Variants in DAPK1 observed in about 807,000 individuals in gnomAD.
DAPK1 encodes death associated protein kinase 1.
Under a neutral mutation model 144.9 loss-of-function variants are expected in DAPK1, and 56 were observed. The observed-to-expected ratio is 0.39, with a 90% CI of 0.31 to 0.48. The LOEUF is 0.48. DAPK1 is among the 20% of genes least tolerant of loss of function. DAPK1 has a pLI of 0.95. For synonymous variants in DAPK1, 690 were observed against 749.0 expected (o/e 0.92, Z 1.29); for missense variants, 1,454 against 1,875.4 (o/e 0.78, Z 4.15).
intron 2 of DAPK1, among the ~76,000 whole-genome samples, chr9:87,545,211 A>C (rs1826199016): frequency 1.3e-5 from 2 of 152,124 alleles, no homozygotes; most frequent in African/African-American, 4.8e-5. Context: ...CACTTGACTG[A>C]TCTCCCCAAT....
At chr9:87,660,665 C>T (rs1165160279) in intron 18 of DAPK1, among the ~76,000 whole-genome samples, 1 of 151,982 alleles carries the variant, frequency 6.6e-6, no homozygotes, top group African/African-American at 2.4e-5. Context: ...CCCCGTTGTC[C>T]ATCATTCCAC....
chr9:87,497,962 G>T lies in DAPK1; in HGVS notation c.-254G>T. 1 of 396,926 alleles carries T rather than the reference G, an allele frequency of 2.5e-6. No individual in the cohort carries two copies. The highest frequency in any genetic ancestry group is 4.4e-6 in the Non-Finnish European group (1 of 225,432). 24.6% of individuals were successfully genotyped at this position (396,926 alleles called of 1,614,324 possible). On this transcript the variant is annotated 5_prime_UTR_variant, in exon 1 of 26. Transcript: ENST00000408954. ...TCGGCAACTCGCAGCGGCAGGGTCTGGGGCCGGCGCCTGGGAGGGATCTGC... is the reference window on the plus strand; with the variant it reads ...TCGGCAACTCGCAGCGGCAGGGTCTTGGGCCGGCGCCTGGGAGGGATCTGC...
At chr9:87,691,997 A>T (rs1171129966) in intron 21 of DAPK1, among the ~76,000 whole-genome samples, 1 of 152,168 alleles carries the variant, frequency 6.6e-6, no homozygotes, top group Non-Finnish European at 1.5e-5. Flanking sequence ...CGTTAGGTCC[A>T]CTTGGTCTAA....
chr9:87,661,353 G>T (rs968384478), intron 18 of DAPK1, among the ~76,000 whole-genome samples: 1 of 152,072 alleles, frequency 6.6e-6, no homozygotes, highest in Non-Finnish European at 1.5e-5. Flanking sequence ...GGAATGAATG[G>T]GAGTTCTATT....
intron 3 of DAPK1, among the ~76,000 whole-genome samples, chr9:87,616,168 A>G (rs976824993): frequency 5.9e-5 from 9 of 152,128 alleles, no homozygotes; most frequent in African/African-American, 1.9e-4. Flanking sequence ...TAGCATTTCC[A>G]TGAAGTTGGG....
At chr9:87,597,405 A>G (rs568105250) in intron 2 of DAPK1, among the ~76,000 whole-genome samples, 202 of 152,186 alleles carry the variant, frequency 1.3e-3, no homozygotes, top group African/African-American at 4.6e-3. Context: ...TTGAGTTCCA[A>G]TGGGGGGGAA....
chr9:87,649,936 C>G lies in DAPK1; in HGVS notation c.1444C>G (p.Leu482Val). The change falls in exon 16 of 26, where the codon CTG (leucine) becomes GTG (valine). Residue 482 changes from leucine to valine, a missense_variant. Leu to Val is a conservative substitution (Grantham distance 32). Coordinates refer to ENST00000408954, the MANE Select transcript of DAPK1 (RefSeq NM_004938.4). Reference protein sequence around the residue: ...NIQDKEEETPLHCAAWHGYYS... With the variant: ...NIQDKEEETPVHCAAWHGYYS... ...CCTTGGCCAGGAAGAAGAAACCCCC[C>G]TGCACTGTGCTGCTTGGCACGGCTA... 1 of 1,614,198 alleles carries G rather than the reference C, an allele frequency of 6.2e-7. No homozygotes were observed. The highest frequency in any genetic ancestry group is 8.5e-7 in the Non-Finnish European group (1 of 1,180,032).
At chr9:87,679,666 C>T (rs537023603) in intron 19 of DAPK1, among the ~76,000 whole-genome samples, 72 of 152,286 alleles carry the variant, frequency 4.7e-4, no homozygotes, top group Non-Finnish European at 5.0e-4. Flanking sequence ...GTCCGCACTG[C>T]GCTTAGCATG....
intron 2 of DAPK1, among the ~76,000 whole-genome samples, chr9:87,564,633 A>T (rs1827050129): frequency 6.8e-6 from 1 of 147,804 alleles, no homozygotes; most frequent in Admixed American, 6.8e-5. Context: ...AGAGGGAGGG[A>T]GGGAGGAAGG....
At chr9:87,572,980 C>G (rs186503445) in intron 2 of DAPK1, among the ~76,000 whole-genome samples, 39 of 152,284 alleles carry the variant, frequency 2.6e-4, no homozygotes, top group African/African-American at 8.2e-4. Context: ...CACAGCTCTC[C>G]TCCCACCTTC....
chr9:87,653,999 T>C (rs1830547783), intron 17 of DAPK1, among the ~76,000 whole-genome samples: 1 of 152,204 alleles, frequency 6.6e-6, no homozygotes, highest in African/African-American at 2.4e-5. Context: ...TGGCCCTATA[T>C]TTTTCTGCTT....
At chr9:87,521,278 C>T (rs1194227345) in intron 2 of DAPK1, among the ~76,000 whole-genome samples, 1 of 152,184 alleles carries the variant, frequency 6.6e-6, no homozygotes, top group Non-Finnish European at 1.5e-5. Context: ...CTCTTGTGAG[C>T]CAGCACAGGC....
intron 2 of DAPK1, among the ~76,000 whole-genome samples, chr9:87,501,433 T>C (rs1824390346): frequency 6.6e-6 from 1 of 152,116 alleles, no homozygotes; most frequent in South Asian, 2.1e-4. Flanking sequence ...TAGTCCCAGC[T>C]ATTTGGGAGG....
At chr9:87,657,070 CT>C (rs1398149392) in intron 17 of DAPK1, among the ~76,000 whole-genome samples, 2 of 152,110 alleles carry the variant, frequency 1.3e-5, no homozygotes, top group East Asian at 3.8e-4. Flanking sequence ...CCCAAACTTT[CT>C]CAGTTCACAA....
intron 17 of DAPK1, among the ~76,000 whole-genome samples, chr9:87,653,628 A>G (rs930199821): frequency 1.3e-5 from 2 of 152,118 alleles, no homozygotes; most frequent in African/African-American, 4.8e-5. Flanking sequence ...GTCTAGTGAC[A>G]TTAAGATTTG....
chr9:87,686,753 G>C lies in DAPK1; in HGVS notation c.2413+14G>C. On this transcript the variant is annotated intron_variant, in intron 21 of 25. Transcript: ENST00000408954. The surrounding 1 kb of genome is among the most constrained non-coding windows in gnomAD (Gnocchi z 4.2). ...CTTATTTGAATGGTATGCCCTGCCT[G>C]CCCCAAGGGAAGGACCTCAGGTTTC... The C allele has an allele frequency of 2.5e-6, 4 of 1,587,904 alleles. No homozygotes were observed. The highest frequency in any genetic ancestry group is 3.5e-6 in the Non-Finnish European group (4 of 1,158,116).
intron 2 of DAPK1, among the ~76,000 whole-genome samples, chr9:87,569,442 C>T (rs1162103242): frequency 6.6e-6 from 1 of 152,154 alleles, no homozygotes; most frequent in African/African-American, 2.4e-5. Context: ...TCGCAGGTGC[C>T]CATATAGAAA....
chr9:87,649,499 G>T (rs892897806), intron 15 of DAPK1, among the ~76,000 whole-genome samples: 3 of 152,210 alleles, frequency 2.0e-5, no homozygotes, highest in Admixed American at 2.0e-4. Flanking sequence ...TCATGCTCAG[G>T]GAAGTGGTTA....
intron 2 of DAPK1, among the ~76,000 whole-genome samples, chr9:87,509,457 T>A (rs929237935): frequency 2.0e-5 from 3 of 151,824 alleles, no homozygotes; most frequent in African/African-American, 7.3e-5. Context: ...TGCCTCCGGG[T>A]TCAAGCGATT....
Sources: gnomAD v4.1 joint callset for allele counts (sites outside exome capture counted in the v4.1 genomes callset) on GRCh38, gnomAD v4.1.1 for gene constraint, Gnocchi (gnomAD v3.1) non-coding constraint, MANE v1.5 for transcripts, NCBI Gene and HGNC (gene_info 2026-07-23, HGNC 2026-07-21) for gene names.